The following SLC9A4 variants were observed in gnomAD, a reference collection of about 807,000 sequenced individuals.
The protein encoded by SLC9A4 is solute carrier family 9 member A4, also known as sodium/hydrogen exchanger 4.
SLC9A4 carries 63 observed loss-of-function variants against 67.4 expected under a neutral mutation model. The ratio of observed to expected loss-of-function variants is 0.93; its 90% CI spans 0.76 to 1.15. The LOEUF is 1.15. Among genes scored for constraint, SLC9A4 ranks in the 50% most tolerant of loss-of-function variants. The pLI, the probability that SLC9A4 is intolerant of heterozygous loss-of-function variation, is 0.00. For missense variants in SLC9A4, 1,089 were observed against 987.7 expected, an observed-to-expected ratio of 1.10 and a Z score of -1.38; for synonymous variants, 393 against 367.2, an observed-to-expected ratio of 1.07 and a Z score of -0.80.
chr2:102,483,256 T>C (rs2104416565), intron 2 of SLC9A4, among the ~76,000 whole-genome samples: 1 of 152,348 alleles, frequency 6.6e-6, no homozygotes, highest in Non-Finnish European at 1.5e-5. Flanking sequence ...AAGTGTGCAC[T>C]GGCACTGCTG....
chr2:102,484,783 G>T (rs1282171666), intron 2 of SLC9A4, among the ~76,000 whole-genome samples: 1 of 152,094 alleles, frequency 6.6e-6, no homozygotes, highest in Non-Finnish European at 1.5e-5. Context: ...AGAGGTCAAA[G>T]GCCCAGACAG....
At chr2:102,515,329 A>G (rs1685254443) in intron 8 of SLC9A4, among the ~76,000 whole-genome samples, 1 of 151,266 alleles carries the variant, frequency 6.6e-6, no homozygotes, top group African/African-American at 2.4e-5. Context: ...ACACCCTTGC[A>G]TTTCTTACAT....
intron 3 of SLC9A4, 99 bp downstream of exon 3, chr2:102,503,806 C>T: frequency 6.9e-7 from 1 of 1,455,412 alleles, no homozygotes; most frequent in Non-Finnish European, 9.3e-7. Context: ...ACCAATGACG[C>T]TAACCCTCCA....
At chr2:102,529,712 G>C (rs1359530589) in intron 11 of SLC9A4, among the ~76,000 whole-genome samples, 1 of 152,214 alleles carries the variant, frequency 6.6e-6, no homozygotes, top group Non-Finnish European at 1.5e-5. Flanking sequence ...ACAGTGGAGA[G>C]TCATGTTCTG....
intron 2 of SLC9A4, among the ~76,000 whole-genome samples, chr2:102,484,138 GC>G (rs1684535398): frequency 6.6e-6 from 1 of 151,908 alleles, no homozygotes; most frequent in Non-Finnish European, 1.5e-5. Flanking sequence ...ATGACCAAGT[GC>G]CCTTACTTCA....
chr2:102,521,950 G>A (rs1025026064), intron 9 of SLC9A4, among the ~76,000 whole-genome samples: 4 of 152,142 alleles, frequency 2.6e-5, no homozygotes, highest in Admixed American at 2.6e-4. Flanking sequence ...TGGGTCTGTT[G>A]CTCCTAGGAG....
chr2:102,527,320 G>C (rs1439920531), intron 11 of SLC9A4, among the ~76,000 whole-genome samples: 1 of 152,022 alleles, frequency 6.6e-6, no homozygotes, highest in East Asian at 1.9e-4. Context: ...GCAAAGTATA[G>C]TCATTGTTTT....
At chr2:102,502,111 G>A (rs1025627704) in intron 2 of SLC9A4, among the ~76,000 whole-genome samples, 7 of 151,754 alleles carry the variant, frequency 4.6e-5, no homozygotes, top group African/African-American at 1.7e-4. Context: ...GGCAAGTACT[G>A]TGATTTCGCA....
chr2:102,519,060 A>G (rs188372859), intron 8 of SLC9A4, among the ~76,000 whole-genome samples: 261 of 152,342 alleles, frequency 1.7e-3, no homozygotes, highest in Non-Finnish European at 3.2e-3. Context: ...TTGTCACATG[A>G]TCATTCTTCC....
intron 11 of SLC9A4, among the ~76,000 whole-genome samples, chr2:102,528,048 C>T (rs764840863): frequency 1.3e-5 from 2 of 152,072 alleles, no homozygotes; most frequent in South Asian, 2.1e-4. Flanking sequence ...CTCTCTGTCA[C>T]CCCGGCTGGA....
At chr2:102,525,950 C>T (rs971540986) in intron 10 of SLC9A4, among the ~76,000 whole-genome samples, 4 of 152,254 alleles carry the variant, frequency 2.6e-5, no homozygotes, top group African/African-American at 9.6e-5. Context: ...GTGAGTGGCG[C>T]GATCTCAGCT....
At chr2:102,488,354 T>C (rs1245495758) in intron 2 of SLC9A4, among the ~76,000 whole-genome samples, 1 of 152,080 alleles carries the variant, frequency 6.6e-6, no homozygotes, top group African/African-American at 2.4e-5. Context: ...ATGGATGACA[T>C]CCAGCAGAAC....
intron 6 of SLC9A4, 24 bp downstream of exon 6, chr2:102,508,957 T>G: frequency 6.4e-7 from 1 of 1,571,574 alleles, no homozygotes; most frequent in Non-Finnish European, 8.7e-7. Flanking sequence ...TAGTCACAAT[T>G]AATAAATTAA....
intron 2 of SLC9A4, among the ~76,000 whole-genome samples, chr2:102,486,075 T>C (rs1418846311): frequency 1.3e-5 from 2 of 152,174 alleles, no homozygotes; most frequent in Admixed American, 6.5e-5. Context: ...TGCTTTATAT[T>C]TTCCTGCCTC....
intron 6 of SLC9A4, among the ~76,000 whole-genome samples, chr2:102,510,225 G>A (rs57198047): frequency 2.0e-4 from 9 of 44,776 alleles, no homozygotes; most frequent in East Asian, 1.2e-3. Flanking sequence ...ATACAGATAC[G>A]GATACGGATA....
At chr2:102,525,272 C>T (rs974510055) in intron 10 of SLC9A4, 117 bp downstream of exon 10, 14 of 1,471,004 alleles carry the variant, frequency 9.5e-6, no homozygotes, top group Middle Eastern at 2.5e-4. Context: ...ACAAACAAAA[C>T]CCCACCTTGT....
chr2:102,494,847 G>A lies in SLC9A4; in HGVS notation c.721-8601G>A, dbSNP rs192063233. Among the ~76,000 whole-genome samples the A allele has an allele frequency of 6.0e-4, 92 of 152,158 alleles. No homozygotes were observed. In the Middle Eastern group the frequency reaches 0.014, roughly 23 times the overall value. Reference sequence around the variant, plus strand: ...CAACAAAATACATGAATTAAAAATTGACAAATTGAAAGGCAGAAAATGACA... The same window carrying A: ...CAACAAAATACATGAATTAAAAATTAACAAATTGAAAGGCAGAAAATGACA... On this transcript the variant is annotated intron_variant, in intron 2 of 11. Coordinates refer to ENST00000295269, the MANE Select transcript of SLC9A4 (RefSeq NM_001011552.4).
At chr2:102,502,719 C>T (rs1684968520) in intron 2 of SLC9A4, among the ~76,000 whole-genome samples, 1 of 152,234 alleles carries the variant, frequency 6.6e-6, no homozygotes, top group Admixed American at 6.5e-5. Context: ...CATCAGTCAG[C>T]AATCCCTGTG....
At chr2:102,513,956 TG>T in intron 7 of SLC9A4, 133 bp from the exon 8 acceptor site, 1 of 1,238,848 alleles carries the variant, frequency 8.1e-7, no homozygotes, top group Non-Finnish European at 1.1e-6. Context: ...TCAAATGCTA[TG>T]AATTCCAGGC....
Sources: gnomAD v4.1 joint callset for allele counts (sites outside exome capture counted in the v4.1 genomes callset) on GRCh38, gnomAD v4.1.1 for gene constraint, MANE v1.5 for transcripts, NCBI Gene and HGNC (gene_info 2026-07-23, HGNC 2026-07-21) for gene names.